CEP112: variants seen among roughly 807,000 people sequenced by gnomAD.
CEP112 encodes the protein centrosomal protein 112.
CEP112 carries 127 observed loss-of-function variants against 153.0 expected under a neutral mutation model. That is an observed-to-expected ratio of 0.83 (90% CI 0.72 to 0.96). CEP112 has a LOEUF of 0.96. CEP112 is among the 40% of genes least tolerant of loss of function. The pLI, the probability that CEP112 is intolerant of heterozygous loss-of-function variation, is 0.00. For missense variants in CEP112, 1,089 were observed against 1,101.2 expected (o/e 0.99, Z 0.16); for synonymous variants, 358 against 374.4 (o/e 0.96, Z 0.51).
chr17:65,903,635 C>T (rs2059956415), intron 19 of CEP112, among the ~76,000 whole-genome samples: 1 of 152,100 alleles, frequency 6.6e-6, no homozygotes, highest in Admixed American at 6.5e-5. Context: ...CATCCTGATA[C>T]CAAAACCTGG....
intron 16 of CEP112, among the ~76,000 whole-genome samples, chr17:66,022,175 A>C (rs1331309519): frequency 6.6e-6 from 1 of 152,182 alleles, no homozygotes; most frequent in Non-Finnish European, 1.5e-5. Flanking sequence ...AAATCATACA[A>C]AGCCTTAACA....
chr17:65,847,283 A>G (rs2057764851), intron 21 of CEP112, among the ~76,000 whole-genome samples: 1 of 152,164 alleles, frequency 6.6e-6, no homozygotes, highest in Non-Finnish European at 1.5e-5. Flanking sequence ...TCAATCCAGG[A>G]GCATTCCATT....
intron 16 of CEP112, 80 bp from the exon 17 acceptor site, chr17:66,005,849 T>A: frequency 8.6e-7 from 1 of 1,167,080 alleles, no homozygotes; most frequent in Non-Finnish European, 1.2e-6. Flanking sequence ...AATGAAACAG[T>A]GATCACAAAT....
intron 20 of CEP112, among the ~76,000 whole-genome samples, chr17:65,870,389 AAG>A (rs1265920173): frequency 2.0e-5 from 3 of 152,220 alleles, no homozygotes; most frequent in South Asian, 2.1e-4. Context: ...AAAAAGGAAA[AAG>A]AAGTTTCATA....
chr17:65,912,208 C>T (rs1833699716), intron 19 of CEP112, among the ~76,000 whole-genome samples: 1 of 152,156 alleles, frequency 6.6e-6, no homozygotes, highest in South Asian at 2.1e-4. Context: ...TCTCAGAACA[C>T]AGCTCATTAT....
intron 20 of CEP112, among the ~76,000 whole-genome samples, chr17:65,892,523 T>C (rs1217227315): frequency 7.9e-6 from 1 of 126,282 alleles, no homozygotes; most frequent in Non-Finnish European, 1.7e-5. Context: ...AGATGATGAT[T>C]TTTTTTTTTT....
intron 18 of CEP112, among the ~76,000 whole-genome samples, chr17:65,946,606 C>T (rs1015751007): frequency 1.1e-4 from 17 of 152,254 alleles, no homozygotes; most frequent in African/African-American, 3.6e-4. Flanking sequence ...ATAAGTTCTC[C>T]AATTGCATTC....
chr17:65,693,403 GT>G (rs2048210510), intron 23 of CEP112, among the ~76,000 whole-genome samples: 1 of 151,498 alleles, frequency 6.6e-6, no homozygotes, highest in Non-Finnish European at 1.5e-5. Context: ...GCCCAATTGT[GT>G]TTTTCTCTTG....
chr17:66,014,340 C>T (rs545119186), intron 16 of CEP112, among the ~76,000 whole-genome samples: 1 of 152,288 alleles, frequency 6.6e-6, no homozygotes, highest in Admixed American at 6.5e-5. Context: ...TGAGTCTGCA[C>T]TGTAAGCAGG....
At chr17:66,039,094 T>C (rs2065865829) in intron 12 of CEP112, among the ~76,000 whole-genome samples, 1 of 152,224 alleles carries the variant, frequency 6.6e-6, no homozygotes, top group South Asian at 2.1e-4. Context: ...GGTTCAAAAT[T>C]TAATGTGCCA....
chr17:65,650,173 G>T (rs530616481), intron 24 of CEP112, among the ~76,000 whole-genome samples: 1 of 152,120 alleles, frequency 6.6e-6, no homozygotes, highest in Non-Finnish European at 1.5e-5. Flanking sequence ...CTTTCTTGTT[G>T]TGTGGGGTTT....
chr17:66,031,659 A>G (rs12944508), intron 12 of CEP112, among the ~76,000 whole-genome samples: 77,973 of 151,488 alleles, frequency 0.51, 20,977 homozygotes, highest in African/African-American at 0.59. Context: ...ATGGGGTCTC[A>G]CTATGTTGGC....
chr17:66,107,544 A>G (rs2068838141), intron 6 of CEP112, among the ~76,000 whole-genome samples: 1 of 152,134 alleles, frequency 6.6e-6, no homozygotes, highest in Non-Finnish European at 1.5e-5. Context: ...TCCATTTACA[A>G]TAGATACAAA....
rs2071108908 is a variant in CEP112 at position 66,149,884 on chromosome 17, GTTTGTTTTTTTT to G, written c.471-17133_471-17122del. ...AAATTTAGGGTTTTTTTTTTTGTTT[GTTTGTTTTTTTT>G]TTTTTTTTTTTTTGAGATGGAGTCT... On this transcript the variant is annotated intron_variant, in intron 4 of 26. Transcript: ENST00000535342. 8.5e-5 allele frequency among the ~76,000 whole-genome samples: 4 copies of G among 46,838 alleles called. No individual in the cohort carries two copies. The South Asian group carries it at 3.2e-3, about 38-fold the overall frequency. 30.7% of individuals were successfully genotyped at this position (46,838 alleles called of 152,430 possible). A position where few individuals can be genotyped will look rare whatever the true frequency, so the allele number is the denominator to read the frequency against.
At chr17:66,049,984 A>G (rs1259231316) in intron 12 of CEP112, among the ~76,000 whole-genome samples, 1 of 149,292 alleles carries the variant, frequency 6.7e-6, no homozygotes, top group Non-Finnish European at 1.5e-5. Context: ...CAAAGAAATA[A>G]TGATTGTAAA....
At chr17:66,049,770 A>G (rs1030694743) in intron 12 of CEP112, among the ~76,000 whole-genome samples, 3 of 152,138 alleles carry the variant, frequency 2.0e-5, no homozygotes, top group Non-Finnish European at 4.4e-5. Flanking sequence ...ATAAATAAAG[A>G]GTCAAATGAA....
intron 20 of CEP112, among the ~76,000 whole-genome samples, chr17:65,858,292 G>A (rs2058193413): frequency 6.6e-6 from 1 of 152,076 alleles, no homozygotes; most frequent in Non-Finnish European, 1.5e-5. Flanking sequence ...CCTGTCCCAT[G>A]GGAGATTTTT....
intron 4 of CEP112, among the ~76,000 whole-genome samples, chr17:66,143,000 T>C (rs1169967608): frequency 6.6e-6 from 1 of 152,252 alleles, no homozygotes; most frequent in Non-Finnish European, 1.5e-5. Context: ...CATTTATCTG[T>C]GTCTTCAGTT....
intron 17 of CEP112, among the ~76,000 whole-genome samples, chr17:66,000,577 T>C (rs994742769): frequency 2.6e-5 from 4 of 151,866 alleles, no homozygotes; most frequent in African/African-American, 9.7e-5. Flanking sequence ...CTCCCGTAGA[T>C]GGAACTAGTC....
Sources: allele counts gnomAD v4.1 joint callset (sites outside exome capture counted in the v4.1 genomes callset), GRCh38; gene constraint gnomAD v4.1.1; transcripts MANE v1.5; gene names NCBI Gene and HGNC (gene_info 2026-07-23, HGNC 2026-07-21).